The following XKR4 variants were observed in gnomAD, a reference collection of about 807,000 sequenced individuals.
XKR4 encodes XK related 4, also known as XK-related protein 4.
XKR4 carries 12 observed loss-of-function variants against 53.9 expected under a neutral mutation model. That is an observed-to-expected ratio of 0.22 (90% CI 0.14 to 0.36). XKR4 has a LOEUF of 0.36. Among genes scored for constraint, XKR4 ranks in the 10% least tolerant of loss-of-function variants. XKR4 has a pLI of 1.00. For synonymous variants in XKR4, 354 were observed against 362.4 expected, an observed-to-expected ratio of 0.98 and a Z score of 0.26; for missense variants, 799 against 859.5, an observed-to-expected ratio of 0.93 and a Z score of 0.88.
At chr8:55,358,667 A>G (rs1803855369) in intron 2 of XKR4, among the ~76,000 whole-genome samples, 1 of 152,210 alleles carries the variant, frequency 6.6e-6, no homozygotes, top group South Asian at 2.1e-4. Flanking sequence ...ATAAGAGGGC[A>G]TTTTCTAAGG....
intron 1 of XKR4, among the ~76,000 whole-genome samples, chr8:55,200,854 G>A (rs1389574441): frequency 2.0e-5 from 3 of 152,204 alleles, no homozygotes; most frequent in African/African-American, 7.2e-5. Context: ...TACACATTTG[G>A]TAATAAACTA....
intron 1 of XKR4, among the ~76,000 whole-genome samples, chr8:55,303,161 G>A (rs1247727019): frequency 1.3e-5 from 2 of 152,178 alleles, no homozygotes; most frequent in Non-Finnish European, 2.9e-5. Context: ...ATTATTTTGA[G>A]ATAGGTCCCA....
chr8:55,508,047 A>G (rs1001999943), intron 2 of XKR4, among the ~76,000 whole-genome samples: 2 of 152,168 alleles, frequency 1.3e-5, no homozygotes, highest in African/African-American at 2.4e-5. Context: ...GGAATTGGTC[A>G]TTTCCATTTA....
chr8:55,369,372 G>GAGGGA (rs1804037112), intron 2 of XKR4, among the ~76,000 whole-genome samples: 1 of 42,690 alleles, frequency 2.3e-5, no homozygotes, highest in Non-Finnish European at 4.7e-5. Flanking sequence ...AAGGGAAGGG[G>GAGGGA]AGGGGAGGGG....
At chr8:55,376,693 A>G (rs960769849) in intron 2 of XKR4, among the ~76,000 whole-genome samples, 22 of 152,108 alleles carry the variant, frequency 1.4e-4, no homozygotes, top group African/African-American at 5.3e-4. Context: ...TTTTTCTCAC[A>G]AGCTCATCTG....
chr8:55,396,759 T>C (rs962542804), intron 2 of XKR4, among the ~76,000 whole-genome samples: 2 of 152,256 alleles, frequency 1.3e-5, no homozygotes, highest in Non-Finnish European at 2.9e-5. Flanking sequence ...CAGCCTTGTT[T>C]GTTTTTTAAA....
At chr8:55,478,103 T>G (rs540299989) in intron 2 of XKR4, among the ~76,000 whole-genome samples, 1 of 151,922 alleles carries the variant, frequency 6.6e-6, no homozygotes, top group South Asian at 2.1e-4. Flanking sequence ...CACATAATTG[T>G]CAGATTCACC....
intron 1 of XKR4, among the ~76,000 whole-genome samples, chr8:55,255,729 C>T (rs1407480708): frequency 2.6e-5 from 4 of 151,922 alleles, no homozygotes; most frequent in Admixed American, 2.0e-4. Flanking sequence ...GACAGTTAAC[C>T]TTAAGAGATT....
At chr8:55,164,294 TG>T (rs1817032168) in intron 1 of XKR4, 1 of 455,718 alleles carries the variant, frequency 2.2e-6, no homozygotes, top group Non-Finnish European at 4.4e-6. Context: ...ATTCTCCTAG[TG>T]GGCAGGATGC....
chr8:55,479,659 T>A (rs1585597536), intron 2 of XKR4, among the ~76,000 whole-genome samples: 3 of 151,950 alleles, frequency 2.0e-5, no homozygotes, highest in Admixed American at 2.0e-4. Context: ...CTAGCAAGAC[T>A]AATAAAGAAG....
intron 2 of XKR4, among the ~76,000 whole-genome samples, chr8:55,393,623 T>C (rs1272113487): frequency 6.6e-6 from 1 of 152,220 alleles, no homozygotes. Context: ...TATAGAAATC[T>C]GGGAGCAATT....
At chr8:55,289,693 AAGAGAAAGAAAGAAAGAAAGAGAG>A (rs1818971241) in intron 1 of XKR4, among the ~76,000 whole-genome samples, 2 of 124,312 alleles carry the variant, frequency 1.6e-5, no homozygotes, top group Non-Finnish European at 3.6e-5. Flanking sequence ...GAAAGAAAGA[AAGAGAAAGAAAGAAAGAAAGAGAG>A]AGAAAGAGAA....
chr8:55,510,480 G>C (rs1806609984), intron 2 of XKR4, among the ~76,000 whole-genome samples: 1 of 152,110 alleles, frequency 6.6e-6, no homozygotes, highest in African/African-American at 2.4e-5. Context: ...AAAACCCCAC[G>C]GGAGGGAGAG....
At chr8:55,339,538 G>A (rs1448242453) in intron 1 of XKR4, among the ~76,000 whole-genome samples, 2 of 152,088 alleles carry the variant, frequency 1.3e-5, no homozygotes, top group Admixed American at 1.3e-4. Context: ...GCATTCCTTC[G>A]ACTGCCCCTC....
chr8:55,458,407 G>A (rs1336044205), intron 2 of XKR4, among the ~76,000 whole-genome samples: 2 of 152,132 alleles, frequency 1.3e-5, no homozygotes, highest in Non-Finnish European at 2.9e-5. Context: ...GTGTCTAGGA[G>A]TTACCCATGA....
At position 55,319,256 on chromosome 8, in the gene XKR4, A is replaced by C. The variant is rs1803170595; in HGVS notation, c.807-38422A>C. Among the ~76,000 whole-genome samples the C allele has an allele frequency of 2.6e-5, 4 of 152,158 alleles. No individual in the cohort carries two copies. In the South Asian group the frequency reaches 8.3e-4, roughly 32 times the overall value. Reference sequence around the variant, plus strand: ...AAGAAAAGTAAAACCTAGATCTACAAGTTGTGACTTGATACCTACAAGTAA... The same window carrying C: ...AAGAAAAGTAAAACCTAGATCTACACGTTGTGACTTGATACCTACAAGTAA... On this transcript the variant is annotated intron_variant, in intron 1 of 2. Transcript: ENST00000327381.
intron 1 of XKR4, among the ~76,000 whole-genome samples, chr8:55,287,428 TGCTG>T (rs1818923036): frequency 6.6e-6 from 1 of 152,246 alleles, no homozygotes; most frequent in African/African-American, 2.4e-5. Context: ...TGACATGCTA[TGCTG>T]GTGAGCGTAC....
At chr8:55,450,558 G>T in intron 2 of XKR4, 1 of 707,074 alleles carries the variant, frequency 1.4e-6, no homozygotes, top group East Asian at 3.0e-5. Flanking sequence ...GACACGTGGT[G>T]GTAGCCGAGG....
At chr8:55,449,466 C>A (rs976104368) in intron 2 of XKR4, 1 of 942,882 alleles carries the variant, frequency 1.1e-6, no homozygotes, top group Non-Finnish European at 1.7e-6. Context: ...CCCTAGTGGT[C>A]GGTAACGACT....
Sources: gnomAD v4.1 joint callset for allele counts (sites outside exome capture counted in the v4.1 genomes callset) on GRCh38, gnomAD v4.1.1 for gene constraint, MANE v1.5 for transcripts, NCBI Gene and HGNC (gene_info 2026-07-23, HGNC 2026-07-21) for gene names.